Variants in PCDHGA4 observed in about 807,000 individuals in gnomAD.
PCDHGA4 encodes the protein protocadherin gamma subfamily A, 4.
Under a neutral mutation model 54.6 loss-of-function variants are expected in PCDHGA4, and 38 were observed. That is an observed-to-expected ratio of 0.70 (90% confidence interval 0.54 to 0.91). The LOEUF (loss-of-function observed/expected upper bound fraction) is 0.91. Among genes scored for constraint, PCDHGA4 ranks in the 40% least tolerant of loss-of-function variants. The pLI is 0.00. For missense variants in PCDHGA4, 1,298 were observed against 1,220.9 expected, an observed-to-expected ratio of 1.06 and a Z score of -0.94; for synonymous variants, 511 against 512.9, an observed-to-expected ratio of 1.00 and a Z score of 0.05.
chr5:141,489,229 G>C lies in PCDHGA4; in HGVS notation c.2515-5578G>C. The C allele has an allele frequency of 6.6e-7, 1 of 1,522,252 alleles. No homozygotes were observed. Among genetic ancestry groups the C allele is most frequent in the Non-Finnish European group, 8.8e-7 (1 of 1,133,810 alleles). The allele number at this position is 1,522,252 out of a possible 1,614,324, so 94.3% of individuals were successfully genotyped here. On this transcript the variant is annotated intron_variant, in intron 1 of 3. Coordinates refer to ENST00000571252, the MANE Select transcript of PCDHGA4 (RefSeq NM_018917.4). This position sits in a 1 kb window ranked among gnomAD's most constrained non-coding sequence, Gnocchi z 4.5. ...AGCACAGACTTACTCTCCACAAAGG[G>C]ACTTCTGGGTCATGGGGCCCAAGAC...
In PCDHGA4 at chr5:141,511,173, A is replaced by T. The variant is rs1384881403; in HGVS notation, c.2889A>T (p.Ter963TyrextTer31). ...AGTCGGGCAAGAAGGAGAAGAAGTA[A>T]CATGGAGGCCAGGCCAAGAGCCACA... ...KKKSGKKEKK[*>Y] Residue 963 changes from the stop codon to tyrosine, a stop_lost, in exon 4 of 4, where the codon TAA (stop) becomes TAT (tyrosine). Coordinates refer to ENST00000571252, the MANE Select transcript of PCDHGA4 (RefSeq NM_018917.4). 6.2e-7 allele frequency: 1 copy of T among 1,614,132 alleles called. No homozygotes were observed.
At chr5:141,458,217 T>C (rs1026901943) in intron 1 of PCDHGA4, among the ~76,000 whole-genome samples, 1 of 152,210 alleles carries the variant, frequency 6.6e-6, no homozygotes, top group Admixed American at 6.5e-5. Context: ...AAAATAAGTT[T>C]CCTTTCCCAG....
intron 1 of PCDHGA4, among the ~76,000 whole-genome samples, chr5:141,369,231 A>T (rs1421250665): frequency 1.3e-5 from 2 of 152,188 alleles, no homozygotes; most frequent in Non-Finnish European, 2.9e-5. Context: ...GGACAGGAAG[A>T]TTACTTATAT....
intron 1 of PCDHGA4, among the ~76,000 whole-genome samples, chr5:141,444,726 G>C (rs1296177763): frequency 6.6e-6 from 1 of 152,048 alleles, no homozygotes; most frequent in African/African-American, 2.4e-5. Flanking sequence ...TGGTGCCTTT[G>C]TTGAAAGTCA....
rs781346812 is a variant in PCDHGA4, at chr5:141,489,773, T to A, written c.2515-5034T>A. 6.2e-7 allele frequency: 1 copy of A among 1,614,102 alleles called. No individual in the cohort carries two copies. The highest frequency in any genetic ancestry group is 8.5e-7 in the Non-Finnish European group (1 of 1,179,984). ...TACACTCTAAGCCCCAACAGCCACT[T>A]CTCTCTGAATGTGAAGACCCTAAAA... is the stretch of plus-strand genomic sequence containing the variant. On this transcript the variant is annotated intron_variant, in intron 1 of 3. Transcript: ENST00000571252. The surrounding 1 kb of genome is among the most constrained non-coding windows in gnomAD (Gnocchi z 4.5).
chr5:141,457,680 G>A lies in PCDHGA4; in HGVS notation c.2515-37127G>A, dbSNP rs866876250. 2.6e-5 allele frequency among the ~76,000 whole-genome samples: 4 copies of A among 152,290 alleles called. No individual in the cohort carries two copies. The South Asian group carries it at 8.3e-4, about 32-fold the overall frequency. On this transcript the variant is annotated intron_variant, in intron 1 of 3. Coordinates refer to ENST00000571252, the MANE Select transcript of PCDHGA4 (RefSeq NM_018917.4). The stretch of plus-strand genomic sequence containing the variant: ...AGCAAGAATGGTTATTTCTACATAG[G>A]ACTTTTGGATTGGCTTTGATGAAAC...
At chr5:141,358,687 A>G (rs1760991810) in intron 1 of PCDHGA4, among the ~76,000 whole-genome samples, 1 of 152,206 alleles carries the variant, frequency 6.6e-6, no homozygotes, top group African/African-American at 2.4e-5. Flanking sequence ...GCTTATCATG[A>G]CATCACTATT....
In PCDHGA4 at chr5:141,431,243, A is replaced by G; in HGVS notation, c.2515-63564A>G. 1 of 1,614,154 alleles carries G rather than the reference A, an allele frequency of 6.2e-7. No homozygotes were observed. Among genetic ancestry groups the G allele is most frequent in the Non-Finnish European group, 8.5e-7 (1 of 1,180,034 alleles). ...TCTACCCCACGCCTGGGATCCGGAT[A>G]TCGGGAAGAACTCTCTGCAGAGCTA... On this transcript the variant is annotated intron_variant, in intron 1 of 3. Coordinates refer to ENST00000571252, the MANE Select transcript of PCDHGA4 (RefSeq NM_018917.4). This position sits in a 1 kb window ranked among gnomAD's most constrained non-coding sequence, Gnocchi z 4.8.
chr5:141,450,006 C>CTATTTTTTT (rs70988802), intron 1 of PCDHGA4, among the ~76,000 whole-genome samples: 8 of 132,970 alleles, frequency 6.0e-5, no homozygotes, highest in African/African-American at 8.4e-5. Context: ...TGCCATGTCT[C>CTATTTTTTT]TTTTTTTTTT....
chr5:141,375,335 TACA>T, intron 1 of PCDHGA4: 1 of 1,613,812 alleles, frequency 6.2e-7, no homozygotes, highest in Non-Finnish European at 8.5e-7. Flanking sequence ...GGTATTCTTG[TACA>T]ACATCACTGT....
chr5:141,375,470 G>A (rs1771485342), intron 1 of PCDHGA4: 1 of 1,613,784 alleles, frequency 6.2e-7, no homozygotes, highest in Admixed American at 1.7e-5. Flanking sequence ...CTATGTCCTT[G>A]AAAACAACCC....
chr5:141,371,638 T>A, intron 1 of PCDHGA4: 1 of 1,613,996 alleles, frequency 6.2e-7, no homozygotes, highest in Non-Finnish European at 8.5e-7. Context: ...CGGGAGCAGA[T>A]CCCAGAATAC....
At chr5:141,411,097 A>C (rs2095464397) in intron 1 of PCDHGA4, 1 of 153,002 alleles carries the variant, frequency 6.5e-6, no homozygotes, top group Non-Finnish European at 1.4e-5. Flanking sequence ...TGATCCTCCC[A>C]CCTTGGCCTC....
At chr5:141,462,280 C>T (rs927977920) in intron 1 of PCDHGA4, among the ~76,000 whole-genome samples, 15 of 152,146 alleles carry the variant, frequency 9.9e-5, no homozygotes, top group African/African-American at 3.4e-4. Context: ...TGTTTAGTCA[C>T]CAAATATGTA....
chr5:141,453,700 G>T (rs953445370), intron 1 of PCDHGA4, among the ~76,000 whole-genome samples: 1 of 152,166 alleles, frequency 6.6e-6, no homozygotes, highest in East Asian at 1.9e-4. Flanking sequence ...TCCTGGCTTT[G>T]AACAGTTTCA....
chr5:141,405,261 T>TC, intron 1 of PCDHGA4: 1 of 1,613,852 alleles, frequency 6.2e-7, no homozygotes. Context: ...CACCTGATCT[T>TC]CCCCCAGCCC....
chr5:141,466,754 C>G (rs1045917268), intron 1 of PCDHGA4, among the ~76,000 whole-genome samples: 2 of 152,138 alleles, frequency 1.3e-5, no homozygotes, highest in South Asian at 2.1e-4. Context: ...GATAGGGGCT[C>G]TTTTCAAACT....
chr5:141,464,921 G>C (rs1562002597), intron 1 of PCDHGA4, among the ~76,000 whole-genome samples: 6 of 151,106 alleles, frequency 4.0e-5, no homozygotes, highest in Admixed American at 3.3e-4. Flanking sequence ...TTATTTTTTT[G>C]TAGAGATGTG....
rs1231121250 is a variant in PCDHGA4 at position 141,399,544 on chromosome 5, T to G, written c.2514+41923T>G. The G allele has an allele frequency of 5.6e-6, 9 of 1,614,022 alleles. No individual in the cohort carries two copies. The highest frequency in any genetic ancestry group is 7.6e-6 in the Non-Finnish European group (9 of 1,179,882). ...GGCCTCCATCGCGCAAGTCTGCGCCTCGGACCTGGACTTGGGGTTGAACGG... is the reference window on the plus strand; with the variant it reads ...GGCCTCCATCGCGCAAGTCTGCGCCGCGGACCTGGACTTGGGGTTGAACGG... On this transcript the variant is annotated intron_variant, in intron 1 of 3. Transcript: ENST00000571252.
Sources: gnomAD v4.1 joint callset for allele counts (sites outside exome capture counted in the v4.1 genomes callset) on GRCh38, gnomAD v4.1.1 for gene constraint, Gnocchi (gnomAD v3.1) non-coding constraint, MANE v1.5 for transcripts, NCBI Gene and HGNC (gene_info 2026-07-23, HGNC 2026-07-21) for gene names.